The following PTPRT variants were observed in gnomAD, a reference collection of about 807,000 sequenced individuals.
PTPRT encodes the protein protein tyrosine phosphatase receptor type T.
PTPRT carries 56 observed loss-of-function variants against 176.8 expected under a neutral mutation model. That is an observed-to-expected ratio of 0.32 (90% CI 0.26 to 0.40). The LOEUF is 0.40. Ranked by LOEUF, PTPRT falls within the 10% of genes least tolerant of loss-of-function variation. The pLI, the probability that PTPRT is intolerant of heterozygous loss-of-function variation, is 1.00. For synonymous variants in PTPRT, 783 were observed against 739.0 expected, an observed-to-expected ratio of 1.06 and a Z score of -0.96; for missense variants, 1,540 against 1,908.2, an observed-to-expected ratio of 0.81 and a Z score of 3.60.
At chr20:42,675,115 C>T (rs780866405) in intron 7 of PTPRT, among the ~76,000 whole-genome samples, 4 of 152,126 alleles carry the variant, frequency 2.6e-5, no homozygotes, top group Non-Finnish European at 4.4e-5. Context: ...CACCTTTTTC[C>T]CCAATTTCAG....
intron 7 of PTPRT, among the ~76,000 whole-genome samples, chr20:42,473,770 T>C (rs2071239984): frequency 1.3e-5 from 2 of 152,206 alleles, no homozygotes; most frequent in Non-Finnish European, 2.9e-5. Context: ...CCACCATGCC[T>C]GGCTCTTGGG....
At chr20:42,292,048 C>A (rs2057324719) in intron 12 of PTPRT, among the ~76,000 whole-genome samples, 1 of 152,020 alleles carries the variant, frequency 6.6e-6, no homozygotes, top group Non-Finnish European at 1.5e-5. Context: ...AGTGATCCTA[C>A]CTCAACCTTT....
At chr20:42,035,825 C>T in the PTPRT span, among the ~76,000 whole-genome samples, 2 of 152,294 alleles carry the variant, frequency 1.3e-5, no homozygotes, top group East Asian at 3.9e-4. Context: ...TTATGCATCC[C>T]TTAAACTAGA....
intron 5 of PTPRT, among the ~76,000 whole-genome samples, chr20:42,763,874 C>G (rs1175477322): frequency 6.6e-6 from 1 of 152,086 alleles, no homozygotes; most frequent in African/African-American, 2.4e-5. Flanking sequence ...GTTTAGAACT[C>G]CTGCAAAGAG....
At position 42,206,798 on chromosome 20, in the gene PTPRT, A is replaced by C. The variant is rs1366920990; in HGVS notation, c.2343-7410T>G. Among the ~76,000 whole-genome samples the C allele has an allele frequency of 2.0e-5, 3 of 152,284 alleles. No homozygotes were observed. In the East Asian group the frequency reaches 5.8e-4, roughly 29 times the overall value. On this transcript the variant is annotated intron_variant, in intron 15 of 30. Transcript: ENST00000373187. ...ACTGGGCGGAGCCCACCACAGCACA[A>C]GGAGGCCTGCCTGCCTCTGTAGGCT...
intron 1 of PTPRT, among the ~76,000 whole-genome samples, chr20:43,039,906 T>C (rs957505579): frequency 4.0e-5 from 6 of 151,886 alleles, no homozygotes; most frequent in African/African-American, 1.5e-4. Flanking sequence ...CCAGCTGCAG[T>C]GGCATGCGCC....
chr20:42,354,383 T>C (rs1487415703), intron 9 of PTPRT, among the ~76,000 whole-genome samples: 1 of 152,234 alleles, frequency 6.6e-6, no homozygotes, highest in African/African-American at 2.4e-5. Context: ...TCATGGGTAG[T>C]AGCAAATAAG....
rs75160234 is a variant in PTPRT, at chr20:42,076,317, C to A, written c.*4562G>T. On this transcript the variant is annotated 3_prime_UTR_variant, in exon 31 of 31. Transcript: ENST00000373187. ...TCCTCAGACTTGCCCACATTAGCAA[C>A]CATGTGACTCCACTTGGACAACAGG... is the stretch of plus-strand genomic sequence containing the variant. 130 of 201,086 alleles carry A rather than the reference C, an allele frequency of 6.5e-4. 1 individual carries two copies. Among genetic ancestry groups the A allele is most frequent in the African/African-American group, 2.6e-3 (115 of 43,616 alleles). 12.5% of individuals were successfully genotyped at this position (201,086 alleles called of 1,614,324 possible). A position where few individuals can be genotyped will look rare whatever the true frequency, so the allele number is the denominator to read the frequency against.
chr20:43,147,391 CCAT>C (rs199804702), intron 1 of PTPRT, among the ~76,000 whole-genome samples: 3 of 152,222 alleles, frequency 2.0e-5, no homozygotes, highest in Admixed American at 1.3e-4. Context: ...TAAACGCCAA[CCAT>C]CATCATCATC....
At chr20:42,941,308 T>C (rs1332495242) in intron 1 of PTPRT, among the ~76,000 whole-genome samples, 1 of 152,098 alleles carries the variant, frequency 6.6e-6, no homozygotes, top group Non-Finnish European at 1.5e-5. Flanking sequence ...TCAAAAATCA[T>C]TAAGATTAAG....
chr20:42,692,316 A>G (rs1057136742), intron 6 of PTPRT, among the ~76,000 whole-genome samples: 1 of 152,214 alleles, frequency 6.6e-6, no homozygotes, highest in Non-Finnish European at 1.5e-5. Context: ...TACCAAGCCA[A>G]TCCTGTGATA....
chr20:42,135,199 G>T (rs1988314817), intron 18 of PTPRT, among the ~76,000 whole-genome samples: 1 of 152,120 alleles, frequency 6.6e-6, no homozygotes, highest in Non-Finnish European at 1.5e-5. Context: ...TATCACCTGG[G>T]GTAGGTTACC....
intron 7 of PTPRT, among the ~76,000 whole-genome samples, chr20:42,675,952 A>G (rs2075494220): frequency 6.6e-6 from 1 of 152,178 alleles, no homozygotes; most frequent in Non-Finnish European, 1.5e-5. Flanking sequence ...GACGTCTCTG[A>G]TTTTATAAAT....
chr20:42,634,003 AT>A (rs2074507164), intron 7 of PTPRT, among the ~76,000 whole-genome samples: 2 of 25,270 alleles, frequency 7.9e-5, no homozygotes, highest in East Asian at 1.4e-3. Context: ...TATATATTAT[AT>A]ATATATAATA....
chr20:42,666,984 C>CA (rs1316489850), intron 7 of PTPRT, among the ~76,000 whole-genome samples: 2 of 152,146 alleles, frequency 1.3e-5, no homozygotes, highest in Non-Finnish European at 2.9e-5. Context: ...GGTGCCTTTC[C>CA]ATTTCTAGCT....
At chr20:43,131,043 C>T (rs766560994) in intron 1 of PTPRT, among the ~76,000 whole-genome samples, 3 of 152,204 alleles carry the variant, frequency 2.0e-5, no homozygotes, top group African/African-American at 4.8e-5. Flanking sequence ...CCTATCAGGA[C>T]GCAGGTAGAA....
the PTPRT span, among the ~76,000 whole-genome samples, chr20:42,062,168 T>C: frequency 6.6e-6 from 1 of 152,146 alleles, no homozygotes; most frequent in South Asian, 2.1e-4. Flanking sequence ...GAAGATTGCT[T>C]GTGTAATAGG....
At chr20:42,834,539 T>C (rs1228242480) in intron 2 of PTPRT, among the ~76,000 whole-genome samples, 2 of 152,104 alleles carry the variant, frequency 1.3e-5, no homozygotes, top group African/African-American at 2.4e-5. Context: ...AAAACTTGCA[T>C]TGAGACAAAA....
At chr20:42,773,687 A>T (rs2077094530) in intron 4 of PTPRT, among the ~76,000 whole-genome samples, 1 of 152,176 alleles carries the variant, frequency 6.6e-6, no homozygotes, top group African/African-American at 2.4e-5. Flanking sequence ...GTATAATTTT[A>T]TGAAGTTATT....
Sources: gnomAD v4.1 joint callset for allele counts (sites outside exome capture counted in the v4.1 genomes callset) on GRCh38, gnomAD v4.1.1 for gene constraint, MANE v1.5 for transcripts, NCBI Gene and HGNC (gene_info 2026-07-23, HGNC 2026-07-21) for gene names.